Variants in GLYATL1 observed in about 807,000 individuals in gnomAD.
GLYATL1 encodes glycine-N-acyltransferase like 1.
Under a neutral mutation model 20.0 loss-of-function variants are expected in GLYATL1, and 15 were observed. The ratio of observed to expected loss-of-function variants is 0.75; its 90% CI spans 0.50 to 1.15. The LOEUF (loss-of-function observed/expected upper bound fraction) is 1.15. GLYATL1 is among the 50% of genes most tolerant of loss of function. The pLI, the probability that GLYATL1 is intolerant of heterozygous loss-of-function variation, is 0.00. For missense variants in GLYATL1, 380 were observed against 368.5 expected, an observed-to-expected ratio of 1.03 and a Z score of -0.26; for synonymous variants, 151 against 131.5, an observed-to-expected ratio of 1.15 and a Z score of -1.01.
chr11:58,912,374 G>T (rs1271487280), downstream of GLYATL1, among the ~76,000 whole-genome samples: 1 of 152,186 alleles, frequency 6.6e-6, no homozygotes, highest in East Asian at 1.9e-4. Context: ...GCTCCTCCTA[G>T]CAGACTTCCT....
intron 1 of GLYATL1, among the ~76,000 whole-genome samples, chr11:58,929,489 C>T (rs1855521578): frequency 6.6e-6 from 1 of 152,066 alleles, no homozygotes; most frequent in African/African-American, 2.4e-5. Flanking sequence ...TTATATTGGC[C>T]TGCAGTTTTC....
At chr11:58,919,588 C>T (rs1164181845) in intron 1 of GLYATL1, among the ~76,000 whole-genome samples, 2 of 152,116 alleles carry the variant, frequency 1.3e-5, no homozygotes, top group Admixed American at 6.5e-5. Flanking sequence ...GGTTACCTCT[C>T]GTTTCTTCTC....
upstream of GLYATL1, among the ~76,000 whole-genome samples, chr11:58,926,000 C>T (rs1176535972): frequency 6.6e-6 from 1 of 152,132 alleles, no homozygotes; most frequent in African/African-American, 2.4e-5. Flanking sequence ...TGTTTAATGA[C>T]ATCTTGAGTA....
chr11:58,915,314 C>A (rs1590767689), intron 1 of GLYATL1, among the ~76,000 whole-genome samples: 1 of 152,158 alleles, frequency 6.6e-6, no homozygotes, highest in Admixed American at 6.5e-5. Flanking sequence ...CCCAGAAAGT[C>A]CATCCCACAG....
intron 1 of GLYATL1, among the ~76,000 whole-genome samples, chr11:58,906,466 G>A (rs1235580251): frequency 6.6e-6 from 1 of 152,162 alleles, no homozygotes; most frequent in Non-Finnish European, 1.5e-5. Flanking sequence ...CCTGTTCAAA[G>A]TTCCTGGGGT....
chr11:58,947,587 A>G, intron 3 of GLYATL1: 2 of 491,354 alleles, frequency 4.1e-6, no homozygotes, highest in Non-Finnish European at 7.4e-6. Context: ...AAATCTATAC[A>G]ATATAAATGC....
chr11:58,939,141 T>A (rs1855971621), upstream of GLYATL1, among the ~76,000 whole-genome samples: 2 of 152,108 alleles, frequency 1.3e-5, no homozygotes, highest in Admixed American at 6.5e-5. Context: ...GACCCCTACG[T>A]CCCTCAAAAA....
chr11:58,926,360 A>C (rs1473951855), upstream of GLYATL1, among the ~76,000 whole-genome samples: 1 of 152,226 alleles, frequency 6.6e-6, no homozygotes, highest in East Asian at 1.9e-4. Flanking sequence ...TGGGCCAGGC[A>C]GTGAGCTGTG....
At chr11:58,905,844 A>G (rs1854863293) in intron 1 of GLYATL1, among the ~76,000 whole-genome samples, 1 of 152,216 alleles carries the variant, frequency 6.6e-6, no homozygotes. Flanking sequence ...CCTCTCTTCA[A>G]TCACTGTCTG....
chr11:58,954,722 G>A lies in GLYATL1; in HGVS notation c.187-48G>A, dbSNP rs1300378274. On this transcript the variant is annotated intron_variant, in intron 4 of 6. Transcript: ENST00000532726. ...CTGATAATTGCAACCAGTGAGAGGTGAAGAAAAAGTTCAAGGGAATGACCT... is the reference window on the plus strand; with the variant it reads ...CTGATAATTGCAACCAGTGAGAGGTAAAGAAAAAGTTCAAGGGAATGACCT... 4 of 1,515,370 alleles carry A rather than the reference G, an allele frequency of 2.6e-6. No individual in the cohort carries two copies. In the African/African-American group the frequency reaches 4.2e-5, roughly 16 times the overall value. 93.9% of individuals were successfully genotyped at this position (1,515,370 alleles called of 1,614,324 possible).
At chr11:58,918,758 A>T (rs1169059559) in intron 1 of GLYATL1, among the ~76,000 whole-genome samples, 1 of 152,216 alleles carries the variant, frequency 6.6e-6, no homozygotes, top group Non-Finnish European at 1.5e-5. Flanking sequence ...CTGTGCATAG[A>T]CTAGTCAGCT....
chr11:58,941,581 A>C (rs1028226142), intron 1 of GLYATL1, among the ~76,000 whole-genome samples: 1 of 152,194 alleles, frequency 6.6e-6, no homozygotes, highest in Non-Finnish European at 1.5e-5. Flanking sequence ...GAGGAGTAGT[A>C]ATTTTTAATA....
chr11:58,952,089 T>C (rs1029785091), intron 4 of GLYATL1, among the ~76,000 whole-genome samples: 4 of 152,174 alleles, frequency 2.6e-5, no homozygotes, highest in African/African-American at 7.2e-5. Flanking sequence ...TGATTTTAAA[T>C]AGCTATAAAA....
At chr11:58,923,290 C>G (rs1855350422), upstream of GLYATL1, among the ~76,000 whole-genome samples, 1 of 152,186 alleles carries the variant, frequency 6.6e-6, no homozygotes, top group African/African-American at 2.4e-5. Context: ...GGAAAACAAA[C>G]TACGTGCAAT....
At chr11:58,927,175 C>T (rs1217938442), upstream of GLYATL1, among the ~76,000 whole-genome samples, 1 of 151,238 alleles carries the variant, frequency 6.6e-6, no homozygotes, top group Non-Finnish European at 1.5e-5. Context: ...TTCATGGGCC[C>T]TCCTTAATCT....
In GLYATL1 at chr11:58,954,902, G is replaced by C; in HGVS notation, c.313+6G>C. 3 of 1,603,386 alleles carry C rather than the reference G, an allele frequency of 1.9e-6. No individual in the cohort carries two copies. Among genetic ancestry groups the C allele is most frequent in the South Asian group, 1.1e-5 (1 of 88,512 alleles). On this transcript the variant is annotated splice_donor_region_variant and intron_variant, in intron 5 of 6. Coordinates refer to ENST00000532726, the MANE Select transcript of GLYATL1 (RefSeq NM_001389712.2). ...ACAGAGACTCCAAATCCAAGGTAAC[G>C]AGTCTGAAGAAATGGGCAAGCAGCT...
At position 58,943,594 on chromosome 11, in the gene GLYATL1, C is replaced by G. The variant is rs147536227; in HGVS notation, c.-115C>G. ...GGAGCTTCTAGTATCCCCAGGAGCG[C>G]GAAGTGAACACGGAAGGTACCTGCA... On this transcript the variant is annotated 5_prime_UTR_variant, in exon 2 of 7. Transcript: ENST00000532726. 2.5e-6 allele frequency: 4 copies of G among 1,613,556 alleles called. No individual in the cohort carries two copies. Among genetic ancestry groups the G allele is most frequent in the South Asian group, 2.2e-5 (2 of 91,050 alleles).
upstream of GLYATL1, among the ~76,000 whole-genome samples, chr11:58,939,106 T>G (rs1373476552): frequency 6.6e-6 from 1 of 152,164 alleles, no homozygotes; most frequent in Admixed American, 6.5e-5. Flanking sequence ...TTATTTGTTT[T>G]ATATGAATTT....
intron 1 of GLYATL1, among the ~76,000 whole-genome samples, chr11:58,932,463 A>T (rs1855647413): frequency 6.6e-6 from 1 of 152,284 alleles, no homozygotes; most frequent in South Asian, 2.1e-4. Context: ...GCTCAAATCT[A>T]TTTCTGAAGT....
Sources: gnomAD v4.1 joint callset for allele counts (sites outside exome capture counted in the v4.1 genomes callset) on GRCh38, gnomAD v4.1.1 for gene constraint, MANE v1.5 for transcripts, NCBI Gene and HGNC (gene_info 2026-07-23, HGNC 2026-07-21) for gene names.